Variants in ADGB observed in about 807,000 individuals in gnomAD.
The protein encoded by ADGB is androglobin.
ADGB carries 172 observed loss-of-function variants against 210.5 expected under a neutral mutation model. The observed-to-expected ratio is 0.82, with a 90% CI of 0.72 to 0.93. ADGB has a LOEUF of 0.93. Among genes scored for constraint, ADGB ranks in the 40% least tolerant of loss-of-function variants. The probability of loss-of-function intolerance (pLI) is 0.00; values close to 1 mark genes in which losing one functional copy is unlikely to be tolerated. For missense variants in ADGB, 2,025 were observed against 1,964.8 expected, an observed-to-expected ratio of 1.03 and a Z score of -0.58; for synonymous variants, 658 against 662.7, an observed-to-expected ratio of 0.99 and a Z score of 0.11.
At chr6:146,651,449 G>A (rs1050676401) in intron 3 of ADGB, among the ~76,000 whole-genome samples, 7 of 152,196 alleles carry the variant, frequency 4.6e-5, no homozygotes, top group Non-Finnish European at 8.8e-5. Context: ...AGAAGTTGGG[G>A]AATGGCCAGG....
intron 25 of ADGB, among the ~76,000 whole-genome samples, chr6:146,743,575 A>C (rs1034008994): frequency 6.6e-6 from 1 of 152,174 alleles, no homozygotes; most frequent in Non-Finnish European, 1.5e-5. Context: ...TTCCTGTCTC[A>C]TATTTTATCT....
chr6:146,798,924 T>G (rs1778083334), intron 33 of ADGB, among the ~76,000 whole-genome samples: 1 of 151,972 alleles, frequency 6.6e-6, no homozygotes, highest in South Asian at 2.1e-4. Flanking sequence ...CATTTATGTT[T>G]TGGACTATAA....
At chr6:146,801,494 T>C (rs1778131964) in intron 34 of ADGB, among the ~76,000 whole-genome samples, 1 of 152,200 alleles carries the variant, frequency 6.6e-6, no homozygotes, top group African/African-American at 2.4e-5. Context: ...TTTATAAGTT[T>C]GAAAACATCA....
intron 30 of ADGB, among the ~76,000 whole-genome samples, chr6:146,783,740 G>T (rs1400931510): frequency 6.6e-6 from 1 of 152,072 alleles, no homozygotes; most frequent in African/African-American, 2.4e-5. Context: ...AATTGACATA[G>T]CCTCGACCTT....
At position 146,815,051 on chromosome 6, in the gene ADGB, G is replaced by A. The variant is rs754776474; in HGVS notation, c.4838G>A (p.Arg1613Gln). Residue 1613 changes from arginine (R) to glutamine (Q), a missense_variant, in exon 36 of 36, where the codon CGA (arginine) becomes CAA (glutamine). By Grantham distance (43) the Arg-to-Gln change is conservative (BLOSUM62 1). Transcript: ENST00000397944. ...KEMQDSLDEA[R>Q]QKIFDIREEY... ...GAACAGGACTCCTTAGATGAAGCCC[G>A]ACAGAAAATTTTCGACATCCGGGAA... 6.5e-6 allele frequency: 10 copies of A among 1,544,280 alleles called. No individual in the cohort carries two copies. In the African/African-American group the frequency reaches 8.3e-5, roughly 13 times the overall value.
rs1777849152 is a variant in ADGB, at chr6:146,784,737, T to A, written c.4155T>A (p.Asp1385Glu). 6.4e-7 allele frequency: 1 copy of A among 1,551,224 alleles called. No homozygotes were observed. Among genetic ancestry groups the A allele is most frequent in the East Asian group, 2.4e-5 (1 of 40,880 alleles). Residue 1385 changes from aspartate (D) to glutamate (E), a missense_variant, in exon 31 of 36, where the codon GAT becomes GAA. Physicochemically the swap from Asp to Glu is conservative, Grantham distance 45. Coordinates refer to ENST00000397944, the MANE Select transcript of ADGB (RefSeq NM_024694.4). ...FEVKKDTERADEIRAMKQAWE... is the reference protein window; with the variant it reads ...FEVKKDTERAEEIRAMKQAWE... Reference sequence around the variant, plus strand: ...TGAAAAAGGATACAGAAAGGGCAGATGAAATCCGAGCCATGAAACAAGCCT... The same window carrying A: ...TGAAAAAGGATACAGAAAGGGCAGAAGAAATCCGAGCCATGAAACAAGCCT...
At chr6:146,623,069 T>C (rs1780919758) in intron 1 of ADGB, among the ~76,000 whole-genome samples, 1 of 152,038 alleles carries the variant, frequency 6.6e-6, no homozygotes, top group Non-Finnish European at 1.5e-5. Flanking sequence ...TTATGTATCT[T>C]GATGCCATTA....
At chr6:146,679,920 T>G (rs938979235) in intron 9 of ADGB, among the ~76,000 whole-genome samples, 3 of 152,198 alleles carry the variant, frequency 2.0e-5, no homozygotes, top group Non-Finnish European at 4.4e-5. Flanking sequence ...CAGTAACTTA[T>G]TAACTATAGG....
chr6:146,608,235 C>A (rs1345474720), intron 1 of ADGB, among the ~76,000 whole-genome samples: 2 of 151,378 alleles, frequency 1.3e-5, no homozygotes, highest in Non-Finnish European at 3.0e-5. Context: ...TTTTGTATTT[C>A]TGCAGAGCCA....
intron 1 of ADGB, among the ~76,000 whole-genome samples, chr6:146,634,837 A>G (rs1308910644): frequency 2.6e-5 from 4 of 152,054 alleles, no homozygotes; most frequent in Non-Finnish European, 4.4e-5. Flanking sequence ...ATTTCCAAAT[A>G]TAGAAGCTTA....
intron 1 of ADGB, among the ~76,000 whole-genome samples, chr6:146,613,849 ATAAT>A (rs1183500648): frequency 1.3e-5 from 2 of 152,000 alleles, no homozygotes; most frequent in Non-Finnish European, 2.9e-5. Context: ...TAAGTTTTAA[ATAAT>A]TAATTTATTC....
Position 146,784,372 on chromosome 6 carries a change from A to G in ADGB, c.4036-246A>G, listed in dbSNP as rs568995883. ...TTTATTACTTTTTAATATTAAGCAG[A>G]GCCCAATTATATGACTATATTACAA... On this transcript the variant is annotated intron_variant, in intron 30 of 35. Coordinates refer to ENST00000397944, the MANE Select transcript of ADGB (RefSeq NM_024694.4). Among the ~76,000 whole-genome samples the G allele has an allele frequency of 2.0e-5, 3 of 152,266 alleles. 1 individual carries two copies. The highest frequency in any genetic ancestry group is 4.4e-5 in the Non-Finnish European group (3 of 68,012).
In ADGB at chr6:146,664,419, A is replaced by G. The variant is rs986504033; in HGVS notation, c.752+79A>G. The G allele has an allele frequency of 7.3e-5, 99 of 1,359,398 alleles. 1 individual carries two copies. In the East Asian group the frequency reaches 2.7e-3, roughly 37 times the overall value. The allele number at this position is 1,359,398 out of a possible 1,614,324, so 84.2% of individuals were successfully genotyped here. A position where few individuals can be genotyped will look rare whatever the true frequency, so the allele number is the denominator to read the frequency against. On this transcript the variant is annotated intron_variant, in intron 6 of 35. Transcript: ENST00000397944. ...ACTATACATTTGTATTGCATAATTT[A>G]TTTTTTTAAAATTAGCTAAAAGACA...
chr6:146,607,310 T>C (rs564556510), intron 1 of ADGB, among the ~76,000 whole-genome samples: 3 of 152,324 alleles, frequency 2.0e-5, no homozygotes, highest in South Asian at 4.1e-4. Flanking sequence ...CTTTAGAGTT[T>C]ACTATGTATA....
At chr6:146,685,605 T>G in intron 9 of ADGB, 129 bp from the exon 10 acceptor site, 1 of 468,696 alleles carries the variant, frequency 2.1e-6, no homozygotes, top group Admixed American at 4.3e-5. Context: ...AAATTCATTT[T>G]GCATCCTTTA....
intron 12 of ADGB, among the ~76,000 whole-genome samples, chr6:146,695,949 A>T (rs1230376078): frequency 6.6e-6 from 1 of 152,158 alleles, no homozygotes; most frequent in African/African-American, 2.4e-5. Context: ...TTCAACTTCA[A>T]CCTTTTAAAT....
chr6:146,611,543 C>G (rs1350869760), intron 1 of ADGB, among the ~76,000 whole-genome samples: 1 of 152,270 alleles, frequency 6.6e-6, no homozygotes, highest in African/African-American at 2.4e-5. Flanking sequence ...CAAGAGTGGA[C>G]CACTCCATGC....
intron 5 of ADGB, among the ~76,000 whole-genome samples, chr6:146,663,084 T>C (rs1322475985): frequency 2.1e-5 from 3 of 143,400 alleles, no homozygotes; most frequent in African/African-American, 7.6e-5. Context: ...TATATTTATA[T>C]AATTATATAA....
chr6:146,763,499 T>C (rs951486715), intron 27 of ADGB, among the ~76,000 whole-genome samples: 5 of 152,200 alleles, frequency 3.3e-5, no homozygotes, highest in African/African-American at 9.7e-5. Flanking sequence ...GCAGTACTTA[T>C]ATGATCTGTT....
Sources: allele counts gnomAD v4.1 joint callset (sites outside exome capture counted in the v4.1 genomes callset), GRCh38; gene constraint gnomAD v4.1.1; transcripts MANE v1.5; gene names NCBI Gene and HGNC (gene_info 2026-07-23, HGNC 2026-07-21).